Variants in ORC3 observed in about 807,000 individuals in gnomAD.
ORC3 encodes the protein origin recognition complex subunit 3, also known as homolog of latheo, Drosophila.
ORC3 carries 78 observed loss-of-function variants against 100.7 expected under a neutral mutation model. The observed-to-expected ratio is 0.77, with a 90% CI of 0.65 to 0.94. ORC3 has a LOEUF of 0.94. Ranked by LOEUF, ORC3 falls within the 40% of genes least tolerant of loss-of-function variation. The pLI is 0.00. For synonymous variants in ORC3, 295 were observed against 289.3 expected (o/e 1.02, Z -0.20); for missense variants, 789 against 823.9 (o/e 0.96, Z 0.52).
chr6:87,636,445 A>G lies in ORC3; in HGVS notation c.1341A>G (p.Ile447Met), dbSNP rs756429593. 1 of 1,612,398 alleles carries G rather than the reference A, an allele frequency of 6.2e-7. No individual in the cohort carries two copies. Among genetic ancestry groups the G allele is most frequent in the Non-Finnish European group, 8.5e-7 (1 of 1,178,418 alleles). Residue 447 changes from isoleucine (I) to methionine (M), a missense_variant, in exon 13 of 20, where the codon ATA (isoleucine) becomes ATG (methionine). By Grantham distance (10) the Ile-to-Met change is conservative (BLOSUM62 1). Coordinates refer to ENST00000392844, the MANE Select transcript of ORC3 (RefSeq NM_012381.4). ...ACTGTACATGTTTAGAAAAGAACAT[A>G]TGGGATTCAGAGGAGTATGCATCAG... is the stretch of plus-strand genomic sequence containing the variant. Reference protein sequence around the residue: ...ELYCTCLEKNIWDSEEYASVL... With the variant: ...ELYCTCLEKNMWDSEEYASVL...
chr6:87,590,215 T>C (rs763096672), intron 1 of ORC3, 23 bp downstream of exon 1: 2 of 1,611,636 alleles, frequency 1.2e-6, no homozygotes, highest in Non-Finnish European at 1.7e-6. Flanking sequence ...CGATGCGCAC[T>C]GTGGCTCTAC....
At chr6:87,628,077 G>A (rs1780053780) in intron 11 of ORC3, among the ~76,000 whole-genome samples, 1 of 152,186 alleles carries the variant, frequency 6.6e-6, no homozygotes, top group African/African-American at 2.4e-5. Flanking sequence ...TTTAAAAAGT[G>A]TACTTTTAAA....
At chr6:87,654,544 T>C (rs1401078709) in intron 14 of ORC3, among the ~76,000 whole-genome samples, 1 of 152,232 alleles carries the variant, frequency 6.6e-6, no homozygotes, top group Non-Finnish European at 1.5e-5. Context: ...ATCACACAGC[T>C]AGCTAGTGGT....
intron 10 of ORC3, among the ~76,000 whole-genome samples, chr6:87,621,690 A>C (rs1423156898): frequency 6.6e-6 from 1 of 152,144 alleles, no homozygotes; most frequent in Non-Finnish European, 1.5e-5. Flanking sequence ...AGTTCTCCAG[A>C]GTTACTTTTT....
At chr6:87,673,569 G>A in the ORC3 span, among the ~76,000 whole-genome samples, 1 of 152,136 alleles carries the variant, frequency 6.6e-6, no homozygotes, top group Non-Finnish European at 1.5e-5. Context: ...TTGGCCAGGC[G>A]CAGTGGCTCA....
chr6:87,657,463 A>T (rs958511702), intron 15 of ORC3, among the ~76,000 whole-genome samples: 1 of 152,206 alleles, frequency 6.6e-6, no homozygotes, highest in African/African-American at 2.4e-5. Context: ...TAGGATCTTG[A>T]TTGTCGAAAT....
At chr6:87,669,543 CAG>C, downstream of ORC3, among the ~76,000 whole-genome samples, 1 of 152,232 alleles carries the variant, frequency 6.6e-6, no homozygotes, top group Non-Finnish European at 1.5e-5. Context: ...GTATTAAAGA[CAG>C]AGCCTCTGTC....
chr6:87,660,475 C>T (rs968293263), intron 16 of ORC3, among the ~76,000 whole-genome samples: 1 of 152,204 alleles, frequency 6.6e-6, no homozygotes, highest in African/African-American at 2.4e-5. Context: ...TCAACAGCCA[C>T]ACCACAGATG....
downstream of ORC3, among the ~76,000 whole-genome samples, chr6:87,668,519 G>T (rs546302266): frequency 6.6e-4 from 100 of 152,130 alleles, no homozygotes; most frequent in Non-Finnish European, 1.2e-3. Context: ...TAGGATTTGG[G>T]ATATTCAGCC....
At chr6:87,594,140 AG>A (rs1777249453) in intron 1 of ORC3, among the ~76,000 whole-genome samples, 1 of 152,150 alleles carries the variant, frequency 6.6e-6, no homozygotes, top group Non-Finnish European at 1.5e-5. Context: ...CATGGGAGGG[AG>A]GGGAGAGAGT....
intron 7 of ORC3, among the ~76,000 whole-genome samples, chr6:87,610,700 C>G (rs1026274546): frequency 1.4e-5 from 2 of 146,536 alleles, no homozygotes; most frequent in Non-Finnish European, 3.0e-5. Flanking sequence ...ACTACAGGCG[C>G]CCGCCACCGC....
chr6:87,656,044 T>C (rs1199248994), intron 14 of ORC3, among the ~76,000 whole-genome samples: 1 of 152,182 alleles, frequency 6.6e-6, no homozygotes, highest in African/African-American at 2.4e-5. Context: ...AAACCCAACC[T>C]GCACTTGAAG....
intron 11 of ORC3, among the ~76,000 whole-genome samples, chr6:87,631,802 C>T (rs1767442825): frequency 6.6e-6 from 1 of 152,010 alleles, no homozygotes; most frequent in Admixed American, 6.6e-5. Context: ...CGAAAATTTT[C>T]TCATATATCA....
intron 13 of ORC3, among the ~76,000 whole-genome samples, chr6:87,639,408 C>T (rs1768055532): frequency 6.6e-6 from 1 of 152,208 alleles, no homozygotes; most frequent in South Asian, 2.1e-4. Context: ...TGCCTCCTAC[C>T]TTCCCCCAAC....
intron 1 of ORC3, 89 bp downstream of exon 1, chr6:87,590,281 T>A: frequency 7.2e-7 from 1 of 1,390,994 alleles, no homozygotes; most frequent in Middle Eastern, 1.8e-4. Flanking sequence ...TAGGCATCCC[T>A]TCCCTGGCTG....
chr6:87,622,552 A>T (rs1273910442), intron 11 of ORC3, among the ~76,000 whole-genome samples: 6 of 152,124 alleles, frequency 3.9e-5, no homozygotes, highest in Non-Finnish European at 1.5e-5. Context: ...TTCTTTCTTG[A>T]ATAAATAATA....
intron 13 of ORC3, among the ~76,000 whole-genome samples, chr6:87,647,241 C>T (rs1768870251): frequency 6.6e-6 from 1 of 152,192 alleles, no homozygotes; most frequent in Non-Finnish European, 1.5e-5. Flanking sequence ...CACTATGTGA[C>T]TGCCCCCCTC....
At chr6:87,656,496 G>A (rs974818023) in intron 14 of ORC3, among the ~76,000 whole-genome samples, 1 of 152,164 alleles carries the variant, frequency 6.6e-6, no homozygotes, top group Non-Finnish European at 1.5e-5. Context: ...GCTGAGGCAG[G>A]AGAAGCACTT....
intron 8 of ORC3, among the ~76,000 whole-genome samples, chr6:87,614,604 AC>A (rs1779023608): frequency 6.6e-6 from 1 of 152,090 alleles, no homozygotes; most frequent in Non-Finnish European, 1.5e-5. Context: ...AACTCAAGTC[AC>A]CTCTTGAATG....
Sources: gnomAD v4.1 joint callset for allele counts (sites outside exome capture counted in the v4.1 genomes callset) on GRCh38, gnomAD v4.1.1 for gene constraint, MANE v1.5 for transcripts, NCBI Gene and HGNC (gene_info 2026-07-23, HGNC 2026-07-21) for gene names.